Variants in DNAH11 observed in about 807,000 individuals in gnomAD.
The protein encoded by DNAH11 is axonemal beta dynein heavy chain 11.
Under a neutral mutation model 526.0 loss-of-function variants are expected in DNAH11, and 442 were observed. The ratio of observed to expected loss-of-function variants is 0.84; its 90% confidence interval spans 0.78 to 0.91. The LOEUF (loss-of-function observed/expected upper bound fraction) is 0.91, where lower values mean the gene tolerates loss of function less well. Ranked by LOEUF, DNAH11 falls within the 40% of genes least tolerant of loss-of-function variation. The pLI is 0.00. For missense variants in DNAH11, 6,989 were observed against 5,448.7 expected, an observed-to-expected ratio of 1.28 and a Z score of -8.90; for synonymous variants, 2,461 against 1,935.9, an observed-to-expected ratio of 1.27 and a Z score of -7.12.
At chr7:21,840,152 C>G (rs1039791490) in intron 65 of DNAH11, among the ~76,000 whole-genome samples, 3 of 152,174 alleles carry the variant, frequency 2.0e-5, no homozygotes, top group African/African-American at 7.2e-5. Flanking sequence ...TTATGGCATT[C>G]TGGATATCAC....
At chr7:21,865,584 G>A (rs1031952516) in intron 70 of DNAH11, among the ~76,000 whole-genome samples, 7 of 152,144 alleles carry the variant, frequency 4.6e-5, no homozygotes, top group African/African-American at 1.4e-4. Context: ...CAACCTTAGA[G>A]GATCTGTGGC....
At chr7:21,876,449 G>C (rs1339811530) in intron 74 of DNAH11, among the ~76,000 whole-genome samples, 1 of 152,216 alleles carries the variant, frequency 6.6e-6, no homozygotes, top group Non-Finnish European at 1.5e-5. Context: ...GATTTAGCCT[G>C]TGCTCCCTGG....
At chr7:21,820,205 T>A (rs1275424469) in intron 65 of DNAH11, among the ~76,000 whole-genome samples, 2 of 152,182 alleles carry the variant, frequency 1.3e-5, no homozygotes, top group African/African-American at 2.4e-5. Context: ...AGCACTGCTA[T>A]ATGCCAGGTA....
At chr7:21,873,234 C>T in intron 73 of DNAH11, 40 bp from the exon 74 acceptor site, 3 of 1,438,088 alleles carry the variant, frequency 2.1e-6, no homozygotes, top group Non-Finnish European at 2.9e-6. Context: ...AAGTAATATG[C>T]CTCACCTTCA....
chr7:21,818,133 T>G, intron 64 of DNAH11, 84 bp from the exon 65 acceptor site: 1 of 1,368,646 alleles, frequency 7.3e-7, no homozygotes, highest in Non-Finnish European at 1.0e-6. Flanking sequence ...ATATCTACAT[T>G]AAATATAATT....
chr7:21,684,645 A>C lies in DNAH11; in HGVS notation c.5621+701A>C, dbSNP rs373422644. Reference sequence around the variant, plus strand: ...AAAGTTACAGGCAAGAGCAAGGACAAAGTTTCCAAGGTGGGAAGACACTTG... The same window carrying C: ...AAAGTTACAGGCAAGAGCAAGGACACAGTTTCCAAGGTGGGAAGACACTTG... On this transcript the variant is annotated intron_variant, in intron 32 of 81. Transcript: ENST00000409508. 2.9e-4 allele frequency among the ~76,000 whole-genome samples: 44 copies of C among 152,310 alleles called. No individual in the cohort carries two copies. In the South Asian group the frequency reaches 9.1e-3, roughly 32 times the overall value.
intron 2 of DNAH11, among the ~76,000 whole-genome samples, chr7:21,557,055 T>C (rs1377940526): frequency 6.7e-6 from 1 of 149,102 alleles, no homozygotes; most frequent in Non-Finnish European, 1.5e-5. Context: ...AAAGTGAGAC[T>C]CTGTCTCAAA....
intron 51 of DNAH11, 85 bp downstream of exon 51, chr7:21,745,148 A>G (rs534853427): frequency 1.4e-5 from 20 of 1,380,438 alleles, no homozygotes; most frequent in Middle Eastern, 2.4e-4. Flanking sequence ...GATCATACTA[A>G]GCACTCTGAA....
intron 25 of DNAH11, 121 bp from the exon 26 acceptor site, chr7:21,635,750 C>T: frequency 1.4e-6 from 1 of 706,350 alleles, no homozygotes; most frequent in Non-Finnish European, 2.1e-6. Flanking sequence ...ATGCCAGTTC[C>T]AGATATTACA....
chr7:21,852,503 G>A lies in DNAH11; in HGVS notation c.10933G>A (p.Glu3645Lys). The A allele has an allele frequency of 6.2e-7, 1 of 1,610,672 alleles. No homozygotes were observed. The highest frequency in any genetic ancestry group is 1.3e-5 in the African/African-American group (1 of 74,668). ...AAAGCACCAAAATGATTTTAAAATT[G>A]AGCTCAAGTATCTGGAAGACGATCT... is the stretch of plus-strand genomic sequence containing the variant. ...LTKHQNDFKI[E>K]LKYLEDDLLL... Residue 3645 changes from glutamate (E) to lysine (K), a missense_variant, in exon 67 of 82, where the codon GAG (glutamate) becomes AAG (lysine). Physicochemically the swap from Glu to Lys is moderately conservative, Grantham distance 56 (BLOSUM62 1). Transcript: ENST00000409508.
At position 21,738,866 on chromosome 7, in the gene DNAH11, G is replaced by A. The variant is rs761457135; in HGVS notation, c.7811G>A (p.Trp2604Ter). Residue 2604 changes from tryptophan to a stop codon, truncating the protein, a stop_gained and splice_region_variant, in exon 47 of 82, where the codon TGG becomes TAG. Coordinates refer to ENST00000409508, the MANE Select transcript of DNAH11 (RefSeq NM_001277115.2). LOFTEE classifies it high-confidence loss of function. ...CGGCAGCATATTGATTATGGACATT[G>A]GTAAGCAAGTCTCTGTAGTTTACTC... ...LIRQHIDYGHWYDRQKVMLKE... is the reference protein window; with the variant it reads ...LIRQHIDYGH 1 of 1,586,436 alleles carries A rather than the reference G, an allele frequency of 6.3e-7. No homozygotes were observed.
At position 21,600,040 on chromosome 7, in the gene DNAH11, A is replaced by T; in HGVS notation, c.2921A>T (p.Glu974Val). ...EAGDGFYDLVEEMLCNSFRMS... is the reference protein window; with the variant it reads ...EAGDGFYDLVVEMLCNSFRMS... Reference sequence around the variant, plus strand: ...GGGGATGGCTTCTATGATCTTGTAGAAGAAATGTTATGCAATAGTTTTAGA... The same window carrying T: ...GGGGATGGCTTCTATGATCTTGTAGTAGAAATGTTATGCAATAGTTTTAGA... The change falls in exon 15 of 82, where the codon GAA (glutamate) becomes GTA (valine). Residue 974 changes from glutamate to valine, a missense_variant. Coordinates refer to ENST00000409508, the MANE Select transcript of DNAH11 (RefSeq NM_001277115.2). 6.2e-7 allele frequency: 1 copy of T among 1,611,058 alleles called. No homozygotes were observed. The highest frequency in any genetic ancestry group is 2.2e-5 in the East Asian group (1 of 44,838).
chr7:21,594,913 G>A (rs1243687013), intron 14 of DNAH11, among the ~76,000 whole-genome samples: 1 of 152,130 alleles, frequency 6.6e-6, no homozygotes, highest in African/African-American at 2.4e-5. Flanking sequence ...ATTTTGAGAA[G>A]GGGAGTAAAT....
At chr7:21,673,492 C>T (rs1012169365) in intron 30 of DNAH11, among the ~76,000 whole-genome samples, 2 of 152,062 alleles carry the variant, frequency 1.3e-5, no homozygotes, top group African/African-American at 4.8e-5. Flanking sequence ...GGCTGATGTC[C>T]CTCCCCCCAC....
At chr7:21,739,282 C>T (rs576032456) in intron 47 of DNAH11, among the ~76,000 whole-genome samples, 1 of 152,106 alleles carries the variant, frequency 6.6e-6, no homozygotes, top group Admixed American at 6.5e-5. Flanking sequence ...TGGAGTCTTG[C>T]TATGGGTACA....
At chr7:21,727,107 G>C (rs557465749) in intron 45 of DNAH11, among the ~76,000 whole-genome samples, 1 of 150,792 alleles carries the variant, frequency 6.6e-6, no homozygotes, top group African/African-American at 2.4e-5. Flanking sequence ...CTAATGTTTT[G>C]TATTTTTAGT....
In DNAH11 at chr7:21,745,008, A is replaced by G; in HGVS notation, c.8455A>G (p.Asn2819Asp). 6.2e-7 allele frequency: 1 copy of G among 1,610,094 alleles called. No individual in the cohort carries two copies. The highest frequency in any genetic ancestry group is 1.1e-5 in the South Asian group (1 of 90,004). ...TILTETLDNY[N>D]ELNAAMHLVL... is the part of the protein sequence containing the mutation. ...TCTTACAGAAACGTTAGACAACTACAATGAACTAAATGCTGCCATGCACCT... is the reference window on the plus strand; with the variant it reads ...TCTTACAGAAACGTTAGACAACTACGATGAACTAAATGCTGCCATGCACCT... The change falls in exon 51 of 82, where the codon AAT becomes GAT. Residue 2819 changes from asparagine to aspartate, a missense_variant. By Grantham distance (23) the Asn-to-Asp change is conservative (BLOSUM62 1). Transcript: ENST00000409508.
chr7:21,683,947 A>G lies in DNAH11; in HGVS notation c.5621+3A>G. On this transcript the variant is annotated splice_donor_region_variant and intron_variant, in intron 32 of 81. Transcript: ENST00000409508. ...GTGATCACTCCTCTAACTGACAGGT[A>G]ACAATTCAAAGTTTCCGTCCAGATA... is the stretch of plus-strand genomic sequence containing the variant. The G allele has an allele frequency of 6.2e-7, 1 of 1,612,646 alleles. No individual in the cohort carries two copies. The highest frequency in any genetic ancestry group is 8.5e-7 in the Non-Finnish European group (1 of 1,179,222).
intron 56 of DNAH11, among the ~76,000 whole-genome samples, chr7:21,774,954 G>A (rs1787606998): frequency 1.3e-5 from 2 of 152,192 alleles, no homozygotes; most frequent in African/African-American, 4.8e-5. Flanking sequence ...GATTGGGGCA[G>A]TGGTTTCCCC....
Sources: allele counts gnomAD v4.1 joint callset (sites outside exome capture counted in the v4.1 genomes callset), GRCh38; gene constraint gnomAD v4.1.1; transcripts MANE v1.5; gene names NCBI Gene and HGNC (gene_info 2026-07-23, HGNC 2026-07-21).